Variants in CAMSAP1 observed in about 807,000 individuals in gnomAD.
The protein encoded by CAMSAP1 is calmodulin regulated spectrin associated protein 1, also known as calmodulin-regulated spectrin-associated protein 1.
A neutral mutation model predicts 143.5 loss-of-function variants in CAMSAP1; 58 were observed. The ratio of observed to expected loss-of-function variants is 0.40; its 90% CI spans 0.33 to 0.50. The LOEUF (loss-of-function observed/expected upper bound fraction) is 0.50, where lower values mean the gene tolerates loss of function less well. Among genes scored for constraint, CAMSAP1 ranks in the 20% least tolerant of loss-of-function variants. The pLI is 0.45. For synonymous variants in CAMSAP1, 945 were observed against 859.3 expected (o/e 1.10, Z -1.74); for missense variants, 1,969 against 2,115.7 (o/e 0.93, Z 1.36).
At position 135,818,427 on chromosome 9, in the gene CAMSAP1, G is replaced by A. The variant is rs776261849; in HGVS notation, c.4149C>T (p.Gly1383=). 2.5e-6 allele frequency: 4 copies of A among 1,589,404 alleles called. No homozygotes were observed. The highest frequency in any genetic ancestry group is 1.1e-5 in the South Asian group (1 of 88,470). Residue 1383 remains glycine (G), a synonymous_variant, in exon 13 of 17, where the codon GGC becomes GGT. Transcript: ENST00000389532. This position sits in a 1 kb window ranked among gnomAD's most constrained non-coding sequence, Gnocchi z 7.7. ...GCTTACGGGTGGAGGAGCACTTGGT[G>A]CCGGAGTCGCTGCACGACTCTTCCC... ...VHREESCSDS[G]TKCSSTPDNL...
At chr9:135,846,288 C>T (rs1352557434) in intron 7 of CAMSAP1, among the ~76,000 whole-genome samples, 1 of 152,066 alleles carries the variant, frequency 6.6e-6, no homozygotes, top group Non-Finnish European at 1.5e-5. Context: ...GGAAAGGATT[C>T]CCTATTTAAC....
chr9:135,899,053 T>C (rs150722398), intron 1 of CAMSAP1, among the ~76,000 whole-genome samples: 181 of 152,300 alleles, frequency 1.2e-3, no homozygotes, highest in South Asian at 7.1e-3. Context: ...TCAAAAATAC[T>C]ACGCTAAGTG....
chr9:135,814,717 C>T (rs909779249), intron 16 of CAMSAP1, among the ~76,000 whole-genome samples: 14 of 152,220 alleles, frequency 9.2e-5, no homozygotes, highest in Non-Finnish European at 1.8e-4. Context: ...CTCCAGGCTG[C>T]CTCCCTGGCT....
chr9:135,867,477 C>CCCCCCCT (rs762998180), intron 3 of CAMSAP1, among the ~76,000 whole-genome samples: 1 of 139,524 alleles, frequency 7.2e-6, no homozygotes, highest in African/African-American at 2.7e-5. Flanking sequence ...AGACCCCCCT[C>CCCCCCCT]TTTTTTTTTT....
chr9:135,828,104 T>C (rs1835738961), intron 7 of CAMSAP1, among the ~76,000 whole-genome samples: 1 of 152,236 alleles, frequency 6.6e-6, no homozygotes, highest in African/African-American at 2.4e-5. Flanking sequence ...CTCCAGCCCC[T>C]GGGGGTCAGG....
chr9:135,814,114 C>T (rs1178790654), intron 16 of CAMSAP1, among the ~76,000 whole-genome samples: 1 of 152,212 alleles, frequency 6.6e-6, no homozygotes, highest in Admixed American at 6.5e-5. Context: ...AACCACCTCT[C>T]CGTGTGGAAA....
At chr9:135,888,207 G>A (rs879109812) in intron 1 of CAMSAP1, among the ~76,000 whole-genome samples, 26 of 152,248 alleles carry the variant, frequency 1.7e-4, no homozygotes, top group Non-Finnish European at 3.1e-4. Context: ...CCTGCCCTGC[G>A]CCAGCTGAGC....
rs774476742 is a variant in CAMSAP1 at position 135,855,612 on chromosome 9, G to A, written c.809-5151C>T. Reference sequence around the variant, plus strand: ...AAAAATTGGCCAGGTGTGATGGTGCGTGACTGTAGTCCCAGCTACTTGGGA... The same window carrying A: ...AAAAATTGGCCAGGTGTGATGGTGCATGACTGTAGTCCCAGCTACTTGGGA... On this transcript the variant is annotated intron_variant, in intron 5 of 16. Transcript: ENST00000389532. 9.2e-5 allele frequency among the ~76,000 whole-genome samples: 14 copies of A among 151,878 alleles called. 1 individual carries two copies. The South Asian group carries it at 1.7e-3, about 18-fold the overall frequency.
intron 1 of CAMSAP1, among the ~76,000 whole-genome samples, chr9:135,886,751 A>G (rs182014398): frequency 6.6e-6 from 1 of 152,348 alleles, no homozygotes; most frequent in African/African-American, 2.4e-5. Flanking sequence ...GCGTGGACCC[A>G]GGAGGCTGCT....
rs748498793 is a variant in CAMSAP1 at position 135,821,268 on chromosome 9, C to A, written c.3393G>T (p.Pro1131=). The A allele has an allele frequency of 2.5e-6, 4 of 1,609,510 alleles. No individual in the cohort carries two copies. The highest frequency in any genetic ancestry group is 3.4e-6 in the Non-Finnish European group (4 of 1,179,766). Residue 1131 remains proline, a synonymous_variant, in exon 11 of 17, where the codon CCG becomes CCT. Transcript: ENST00000389532. This position sits in a 1 kb window ranked among gnomAD's most constrained non-coding sequence, Gnocchi z 4.6. ...TGCTGGCAGGGAAGGGTCTCAAGTG[C>A]GGGAGCGTCTCTACACTGGGCGTTG... ...KTPTPSVETL[P]HLRPFPASSH... is the part of the protein sequence containing the mutation.
intron 1 of CAMSAP1, among the ~76,000 whole-genome samples, chr9:135,899,786 C>A (rs1223333674): frequency 6.6e-6 from 1 of 152,146 alleles, no homozygotes; most frequent in Admixed American, 6.5e-5. Context: ...CCATCTGATT[C>A]TCACACACCT....
At position 135,827,514 on chromosome 9, in the gene CAMSAP1, G is replaced by A. The variant is rs546949363; in HGVS notation, c.1116C>T (p.Phe372=). The A allele has an allele frequency of 6.2e-7, 1 of 1,612,838 alleles. No homozygotes were observed. The highest frequency in any genetic ancestry group is 1.3e-5 in the African/African-American group (1 of 75,066). ...GGGTCCCTGCAGCAGGGCTGCCTAG[G>A]AAACTGCGTTTGGTCGCGTTGGAGA... ...VPISNATKRS[F]LGSPAAGTLA... The change falls in exon 8 of 17, where the codon TTC becomes TTT. Residue 372 remains phenylalanine (F), a synonymous_variant. Transcript: ENST00000389532.
rs1835489527 is a variant in CAMSAP1, at chr9:135,822,088, T to C, written c.2573A>G (p.Lys858Arg). 1 of 1,612,862 alleles carries C rather than the reference T, an allele frequency of 6.2e-7. No homozygotes were observed. Among genetic ancestry groups the C allele is most frequent in the Middle Eastern group, 1.7e-4 (1 of 6,060 alleles). Residue 858 changes from lysine to arginine, a missense_variant, in exon 11 of 17, where the codon AAG (lysine) becomes AGG (arginine). Coordinates refer to ENST00000389532, the MANE Select transcript of CAMSAP1 (RefSeq NM_015447.4). The surrounding 1 kb of genome is among the most constrained non-coding windows in gnomAD (Gnocchi z 6.1). ...ATGCTGGCTCGGACTCTGCTCCCTC[T>C]TCTGCCTCCACGTCGTCAGAGGGGC... ...CPAPLTTWRQKREQSPSQHGK... is the reference protein window; with the variant it reads ...CPAPLTTWRQRREQSPSQHGK...
chr9:135,866,241 CA>C (rs1182058573), intron 4 of CAMSAP1: 2 of 521,464 alleles, frequency 3.8e-6, no homozygotes, highest in East Asian at 3.1e-5. Flanking sequence ...AAGTGCAATA[CA>C]AAACACCCCT....
Position 135,815,876 on chromosome 9 carries a change from G to A in CAMSAP1, c.4387+14C>T. The A allele has an allele frequency of 6.2e-7, 1 of 1,609,836 alleles. No individual in the cohort carries two copies. The highest frequency in any genetic ancestry group is 1.1e-5 in the South Asian group (1 of 91,018). On this transcript the variant is annotated intron_variant, in intron 15 of 16. Transcript: ENST00000389532. ...ATGCCCACGATGACCTCTAAGGAGG[G>A]CGAACGCCGTCACCTGTGTACTCGG...
chr9:135,874,832 T>C lies in CAMSAP1; in HGVS notation c.585+6801A>G, dbSNP rs576397860. Among the ~76,000 whole-genome samples, 5 of 152,332 alleles carry C rather than the reference T, an allele frequency of 3.3e-5. No homozygotes were observed. The East Asian group carries it at 7.7e-4, about 23-fold the overall frequency. The stretch of plus-strand genomic sequence containing the variant: ...TTAGCAAGGTCACAAAATATAAAGT[T>C]AATATACAAATTATTAATTACGTTT... On this transcript the variant is annotated intron_variant, in intron 3 of 16. Transcript: ENST00000389532.
In CAMSAP1 at chr9:135,907,417, G is replaced by C. The variant is rs1301590016; in HGVS notation, c.-258C>G. ...CAAAGAGGCGGCGGCAGGAGGGCGC[G>C]GGCCGGGGGCGGGGGCGGGCGCGGG... is the stretch of plus-strand genomic sequence containing the variant. On this transcript the variant is annotated 5_prime_UTR_variant, in exon 1 of 17. Transcript: ENST00000389532. Among the ~76,000 whole-genome samples, 2 of 146,064 alleles carry C rather than the reference G, an allele frequency of 1.4e-5. No homozygotes were observed. The highest frequency in any genetic ancestry group is 4.9e-5 in the African/African-American group (2 of 40,706).
intron 7 of CAMSAP1, among the ~76,000 whole-genome samples, chr9:135,837,796 CG>C (rs1836141453): frequency 6.8e-6 from 1 of 146,850 alleles, no homozygotes; most frequent in Admixed American, 6.7e-5. Context: ...TCTACAGACA[CG>C]TCATCACGCA....
chr9:135,849,170 C>T (rs909248572), intron 7 of CAMSAP1, among the ~76,000 whole-genome samples: 3 of 152,330 alleles, frequency 2.0e-5, no homozygotes, highest in South Asian at 2.1e-4. Flanking sequence ...TTAGCCTAGG[C>T]GCCTTCAGTG....
Sources: allele counts gnomAD v4.1 joint callset (sites outside exome capture counted in the v4.1 genomes callset), GRCh38; gene constraint gnomAD v4.1.1; non-coding constraint Gnocchi (gnomAD v3.1); transcripts MANE v1.5; gene names NCBI Gene and HGNC (gene_info 2026-07-23, HGNC 2026-07-21).